CHMP5: variants seen among roughly 807,000 people sequenced by gnomAD.
CHMP5 encodes SNF7 domain containing 2.
CHMP5 carries 17 observed loss-of-function variants against 33.0 expected under a neutral mutation model. The observed-to-expected ratio is 0.52, with a 90% CI of 0.35 to 0.77. The LOEUF is 0.77. Among genes scored for constraint, CHMP5 ranks in the 30% least tolerant of loss-of-function variants. CHMP5 has a pLI of 0.01. For missense variants in CHMP5, 216 were observed against 261.5 expected (o/e 0.83, Z 1.20); for synonymous variants, 76 against 90.2 (o/e 0.84, Z 0.89).
intron 7 of CHMP5, among the ~76,000 whole-genome samples, chr9:33,278,629 T>A (rs944105861): frequency 2.6e-5 from 4 of 151,518 alleles, no homozygotes; most frequent in African/African-American, 9.8e-5. Context: ...TTTATTTTCC[T>A]TTCTTTTTCT....
intron 5 of CHMP5, among the ~76,000 whole-genome samples, chr9:33,273,542 T>C (rs905367382): frequency 1.3e-5 from 2 of 152,212 alleles, no homozygotes; most frequent in Non-Finnish European, 2.9e-5. Flanking sequence ...TGTATGTGTC[T>C]TTGGTTAGAT....
At chr9:33,278,074 G>A in intron 6 of CHMP5, 39 bp from the exon 7 acceptor site, 1 of 1,352,962 alleles carries the variant, frequency 7.4e-7, no homozygotes, top group Non-Finnish European at 1.0e-6. Context: ...CAGTTTTCTT[G>A]GTTACATTTT....
At chr9:33,270,822 C>T in intron 4 of CHMP5, 106 bp downstream of exon 4, 1 of 921,000 alleles carries the variant, frequency 1.1e-6, no homozygotes, top group East Asian at 2.5e-5. Flanking sequence ...TGGCTCACGC[C>T]TGTAATCCCA....
chr9:33,278,322 A>G, intron 7 of CHMP5, 97 bp downstream of exon 7: 1 of 737,116 alleles, frequency 1.4e-6, no homozygotes, highest in Non-Finnish European at 2.3e-6. Context: ...TAACATTAGA[A>G]CAAAGAAAGA....
intron 1 of CHMP5, among the ~76,000 whole-genome samples, chr9:33,265,801 T>C (rs1479855884): frequency 6.6e-6 from 1 of 152,182 alleles, no homozygotes; most frequent in Non-Finnish European, 1.5e-5. Flanking sequence ...ACCTGGTATA[T>C]CAGAATCGGG....
intron 5 of CHMP5, among the ~76,000 whole-genome samples, chr9:33,274,671 G>A (rs970239157): frequency 7.2e-5 from 11 of 151,922 alleles, no homozygotes; most frequent in African/African-American, 2.4e-4. Context: ...GCTAGAGTGC[G>A]GTGGCGCGAT....
chr9:33,272,409 A>G lies in CHMP5; in HGVS notation c.387+1186A>G, dbSNP rs529692577. On this transcript the variant is annotated intron_variant, in intron 5 of 7. Transcript: ENST00000223500. ...GAGATAAAGCAAAAAAAAAAAAAAA[A>G]AGAGAGAAAGCAGTACAGCCTGATT... 6.3e-3 allele frequency among the ~76,000 whole-genome samples: 952 copies of G among 151,280 alleles called. 3 individuals are homozygous for G. Among genetic ancestry groups the G allele is most frequent in the Non-Finnish European group, 9.5e-3 (642 of 67,744 alleles).
At chr9:33,273,168 C>T (rs969542388) in intron 5 of CHMP5, among the ~76,000 whole-genome samples, 2 of 151,984 alleles carry the variant, frequency 1.3e-5, no homozygotes, top group South Asian at 2.1e-4. Context: ...GATGGGGTTT[C>T]GCCATGTTGG....
In CHMP5 at chr9:33,271,199, GC is replaced by G; in HGVS notation, c.364del (p.Gln122LysfsTer2). ...TAAAGGAAATGAAGAAGGCATACAA[GC>G]AAGTGAAGATCGACCAGATTGAGGT... ...GVKEMKKAYK[Q>X]VKIDQIEDLQ... On this transcript the variant is annotated frameshift_variant, in exon 5 of 8. Coordinates refer to ENST00000223500, the MANE Select transcript of CHMP5 (RefSeq NM_016410.6). LOFTEE classifies it high-confidence loss of function. 6.2e-7 allele frequency: 1 copy of G among 1,613,872 alleles called. No individual in the cohort carries two copies.
At chr9:33,266,477 A>G (rs1287227793) in intron 2 of CHMP5, among the ~76,000 whole-genome samples, 1 of 151,750 alleles carries the variant, frequency 6.6e-6, no homozygotes, top group Non-Finnish European at 1.5e-5. Context: ...GTCTCAAAAA[A>G]TAAGTGAAAT....
At chr9:33,275,168 C>T (rs891784902) in intron 5 of CHMP5, among the ~76,000 whole-genome samples, 2 of 152,120 alleles carry the variant, frequency 1.3e-5, no homozygotes, top group African/African-American at 4.8e-5. Flanking sequence ...TTCAACCAAA[C>T]GAGGATCGAA....
intron 7 of CHMP5, 37 bp from the exon 8 acceptor site, chr9:33,280,772 A>G: frequency 6.5e-7 from 1 of 1,549,024 alleles, no homozygotes. Flanking sequence ...TATCAAATAG[A>G]AAAATAGTGG....
At chr9:33,267,575 C>T (rs1820741959) in intron 2 of CHMP5, among the ~76,000 whole-genome samples, 1 of 152,088 alleles carries the variant, frequency 6.6e-6, no homozygotes, top group African/African-American at 2.4e-5. Flanking sequence ...AGACTCAGCA[C>T]TTTTGGGGCT....
chr9:33,271,135 C>T lies in CHMP5; in HGVS notation c.316-17C>T. The T allele has an allele frequency of 1.9e-6, 3 of 1,590,230 alleles. No homozygotes were observed. The highest frequency in any genetic ancestry group is 2.6e-6 in the Non-Finnish European group (3 of 1,158,602). On this transcript the variant is annotated splice_polypyrimidine_tract_variant and intron_variant, in intron 4 of 7. Coordinates refer to ENST00000223500, the MANE Select transcript of CHMP5 (RefSeq NM_016410.6). ...ATGACTTACTAAAACATTGTGTTTT[C>T]TTCTTCCTTTTCTTAGGTTGATGCT...
intron 1 of CHMP5, among the ~76,000 whole-genome samples, chr9:33,265,573 G>A (rs1015511492): frequency 6.6e-6 from 1 of 152,142 alleles, no homozygotes; most frequent in African/African-American, 2.4e-5. Context: ...CTGGATCTCA[G>A]TAACACAAAA....
chr9:33,271,285 G>A, intron 5 of CHMP5, 62 bp downstream of exon 5: 2 of 1,337,206 alleles, frequency 1.5e-6, no homozygotes, highest in South Asian at 1.2e-5. Flanking sequence ...CCAAACGAGT[G>A]TGCATGTGAT....
intron 7 of CHMP5, among the ~76,000 whole-genome samples, chr9:33,279,481 C>T (rs1014991845): frequency 6.6e-6 from 1 of 152,022 alleles, no homozygotes; most frequent in Non-Finnish European, 1.5e-5. Flanking sequence ...CTTCAAGGTC[C>T]CAGGTCCATG....
intron 3 of CHMP5, 78 bp from the exon 4 acceptor site, chr9:33,270,545 A>T: frequency 8.9e-7 from 1 of 1,121,402 alleles, no homozygotes; most frequent in Non-Finnish European, 1.3e-6. Context: ...AAATACTCTT[A>T]TTTAGTGTGG....
At chr9:33,266,240 A>C in intron 2 of CHMP5, 126 bp downstream of exon 2, 1 of 533,078 alleles carries the variant, frequency 1.9e-6, no homozygotes, top group Non-Finnish European at 3.4e-6. Context: ...TGGGAGGCTG[A>C]GGCGGGTGGA....
Sources: gnomAD v4.1 joint callset for allele counts (sites outside exome capture counted in the v4.1 genomes callset) on GRCh38, gnomAD v4.1.1 for gene constraint, MANE v1.5 for transcripts, NCBI Gene and HGNC (gene_info 2026-07-23, HGNC 2026-07-21) for gene names.